Variants in FAM81A observed in about 807,000 individuals in gnomAD.
FAM81A encodes the protein protein FAM81A.
A neutral mutation model predicts 46.7 loss-of-function variants in FAM81A; 19 were observed. The ratio of observed to expected loss-of-function variants is 0.41; its 90% CI spans 0.28 to 0.60. The LOEUF (loss-of-function observed/expected upper bound fraction) is 0.60. Ranked by LOEUF, FAM81A falls within the 20% of genes least tolerant of loss-of-function variation. The probability of loss-of-function intolerance (pLI) is 0.34; values close to 1 mark genes in which losing one functional copy is unlikely to be tolerated. For missense variants in FAM81A, 377 were observed against 453.5 expected (o/e 0.83, Z 1.53); for synonymous variants, 183 against 152.9 (o/e 1.20, Z -1.45).
chr15:59,519,846 A>G (rs1324277023), intron 8 of FAM81A, among the ~76,000 whole-genome samples: 2 of 152,104 alleles, frequency 1.3e-5, no homozygotes, highest in African/African-American at 4.8e-5. Flanking sequence ...TATCTTGGCT[A>G]TTGTAAATAA....
chr15:59,402,238 A>G (rs2081074363), intron 1 of FAM81A: 1 of 168,980 alleles, frequency 5.9e-6, no homozygotes, highest in Non-Finnish European at 1.3e-5. Context: ...GGGGGTGGCT[A>G]TCTTAATATT....
intron 4 of FAM81A, among the ~76,000 whole-genome samples, chr15:59,498,149 C>T (rs1291515858): frequency 6.6e-6 from 1 of 152,162 alleles, no homozygotes; most frequent in Non-Finnish European, 1.5e-5. Context: ...CATGCCTGGC[C>T]CCAAAATTCA....
intron 1 of FAM81A, among the ~76,000 whole-genome samples, chr15:59,449,313 A>C (rs1470350562): frequency 1.3e-5 from 2 of 152,288 alleles, no homozygotes; most frequent in Non-Finnish European, 2.9e-5. Flanking sequence ...ACAGTGAAAA[A>C]TTAAGTTTAA....
chr15:59,448,354 G>A (rs1403863585), intron 1 of FAM81A, among the ~76,000 whole-genome samples: 1 of 152,094 alleles, frequency 6.6e-6, no homozygotes, highest in Non-Finnish European at 1.5e-5. Flanking sequence ...TCCAGCCTGG[G>A]CCACTGAGTG....
chr15:59,497,079 A>G (rs557733183), intron 4 of FAM81A, among the ~76,000 whole-genome samples: 26 of 151,918 alleles, frequency 1.7e-4, no homozygotes, highest in Admixed American at 1.5e-3. Flanking sequence ...GGATTGTGCC[A>G]CTGCACTCCA....
chr15:59,465,419 C>T (rs1276190472), intron 3 of FAM81A, among the ~76,000 whole-genome samples: 3 of 152,092 alleles, frequency 2.0e-5, no homozygotes, highest in Non-Finnish European at 4.4e-5. Context: ...ATTACAGGCA[C>T]ATGTCATCAT....
intron 4 of FAM81A, among the ~76,000 whole-genome samples, chr15:59,495,422 G>A (rs907654290): frequency 6.6e-6 from 1 of 152,208 alleles, no homozygotes; most frequent in Non-Finnish European, 1.5e-5. Context: ...CTGTTCATCA[G>A]TTGAACGTTG....
intron 1 of FAM81A, among the ~76,000 whole-genome samples, chr15:59,449,760 C>A (rs1462252495): frequency 9.4e-6 from 1 of 106,230 alleles, no homozygotes; most frequent in African/African-American, 3.7e-5. Context: ...CCAGCCTGGG[C>A]GACAGAGCGA....
intron 6 of FAM81A, among the ~76,000 whole-genome samples, chr15:59,514,060 A>C (rs2082241182): frequency 6.6e-6 from 1 of 151,330 alleles, no homozygotes; most frequent in Non-Finnish European, 1.5e-5. Flanking sequence ...GGACCAACAC[A>C]TACTGGGGCT....
chr15:59,518,366 T>G (rs978875476), intron 8 of FAM81A, among the ~76,000 whole-genome samples: 1 of 152,102 alleles, frequency 6.6e-6, no homozygotes, highest in Admixed American at 6.6e-5. Context: ...CTCTGTTGCC[T>G]AGGCCGGGGT....
intron 2 of FAM81A, among the ~76,000 whole-genome samples, chr15:59,418,252 T>A (rs1416351209): frequency 6.6e-6 from 1 of 152,160 alleles, no homozygotes; most frequent in African/African-American, 2.4e-5. Flanking sequence ...TGTGAGGCTG[T>A]GATGAGAAAT....
chr15:59,423,773 A>G (rs1415308395), intron 2 of FAM81A, among the ~76,000 whole-genome samples: 1 of 152,248 alleles, frequency 6.6e-6, no homozygotes, highest in Non-Finnish European at 1.5e-5. Context: ...TAAGAGACTT[A>G]TATTTAATTA....
At chr15:59,402,713 T>TG (rs398118902) in intron 2 of FAM81A, among the ~76,000 whole-genome samples, 219 of 20,018 alleles carry the variant, frequency 0.011, 4 homozygotes, top group African/African-American at 0.013. Context: ...GATATTTTTT[T>TG]GGGGGGTGGG....
chr15:59,409,746 T>C (rs1350597285), intron 2 of FAM81A, among the ~76,000 whole-genome samples: 2 of 152,234 alleles, frequency 1.3e-5, no homozygotes, highest in Non-Finnish European at 2.9e-5. Flanking sequence ...CTATATGCTA[T>C]ACTCTGAACG....
At chr15:59,409,933 G>T (rs751756122) in intron 2 of FAM81A, among the ~76,000 whole-genome samples, 1 of 152,136 alleles carries the variant, frequency 6.6e-6, no homozygotes, top group Non-Finnish European at 1.5e-5. Context: ...TTAAGGCACA[G>T]AAATTATTAG....
intron 3 of FAM81A, among the ~76,000 whole-genome samples, chr15:59,471,637 AT>A (rs34636106): frequency 8.9e-5 from 13 of 146,664 alleles, no homozygotes; most frequent in Middle Eastern, 3.4e-3. Context: ...AATTTTTCTT[AT>A]TTTTTTTTTT....
At chr15:59,500,707 T>C (rs1052866422) in intron 4 of FAM81A, among the ~76,000 whole-genome samples, 3 of 151,962 alleles carry the variant, frequency 2.0e-5, no homozygotes, top group African/African-American at 7.2e-5. Flanking sequence ...TTTTTTCATC[T>C]CTGTTCATCA....
intron 2 of FAM81A, among the ~76,000 whole-genome samples, chr15:59,417,059 A>C (rs2081149820): frequency 6.6e-6 from 1 of 151,936 alleles, no homozygotes; most frequent in African/African-American, 2.4e-5. Flanking sequence ...GTAGGGGGAG[A>C]CATGGGGAAG....
At chr15:59,437,801 T>G (rs1165710664), upstream of FAM81A, among the ~76,000 whole-genome samples, 1 of 152,132 alleles carries the variant, frequency 6.6e-6, no homozygotes, top group Non-Finnish European at 1.5e-5. Context: ...ATGGCTATGA[T>G]CTCCGTCAGG....
Sources: allele counts gnomAD v4.1 joint callset (sites outside exome capture counted in the v4.1 genomes callset), GRCh38; gene constraint gnomAD v4.1.1; transcripts MANE v1.5; gene names NCBI Gene and HGNC (gene_info 2026-07-23, HGNC 2026-07-21).